GRID1: variants seen among roughly 807,000 people sequenced by gnomAD.
The protein encoded by GRID1 is glutamate ionotropic receptor delta type subunit 1.
A neutral mutation model predicts 98.0 loss-of-function variants in GRID1; 28 were observed. That is an observed-to-expected ratio of 0.29 (90% confidence interval 0.21 to 0.39). GRID1 has a LOEUF of 0.39. Among genes scored for constraint, GRID1 ranks in the 10% least tolerant of loss-of-function variants. The pLI is 1.00. For synonymous variants in GRID1, 553 were observed against 538.5 expected (o/e 1.03, Z -0.37); for missense variants, 1,111 against 1,340.5 (o/e 0.83, Z 2.67).
At chr10:85,915,335 T>A (rs1020001515) in intron 5 of GRID1, among the ~76,000 whole-genome samples, 23 of 151,850 alleles carry the variant, frequency 1.5e-4, no homozygotes, top group African/African-American at 5.3e-4. Context: ...AACTCACGTA[T>A]ACACACTCAT....
At chr10:85,866,429 A>G (rs941880450) in intron 6 of GRID1, among the ~76,000 whole-genome samples, 1 of 147,300 alleles carries the variant, frequency 6.8e-6, no homozygotes, top group Non-Finnish European at 1.5e-5. Context: ...TAGGACAAGA[A>G]GTGTTTTTAT....
At chr10:85,679,771 G>A (rs949710840) in intron 12 of GRID1, among the ~76,000 whole-genome samples, 2 of 152,172 alleles carry the variant, frequency 1.3e-5, no homozygotes, top group African/African-American at 4.8e-5. Flanking sequence ...AACCAAGGCA[G>A]AAAGTATTTA....
intron 12 of GRID1, among the ~76,000 whole-genome samples, chr10:85,669,960 G>A (rs1044017527): frequency 6.6e-6 from 1 of 152,160 alleles, no homozygotes; most frequent in Non-Finnish European, 1.5e-5. Context: ...GAGGAACACT[G>A]ACACACCTGC....
intron 8 of GRID1, among the ~76,000 whole-genome samples, chr10:85,762,379 C>T (rs1052938493): frequency 6.6e-6 from 1 of 152,186 alleles, no homozygotes; most frequent in African/African-American, 2.4e-5. Flanking sequence ...TAACCAAGAT[C>T]CCCAATGAAC....
chr10:86,063,476 T>C (rs1843677124), intron 4 of GRID1, among the ~76,000 whole-genome samples: 1 of 152,164 alleles, frequency 6.6e-6, no homozygotes, highest in Non-Finnish European at 1.5e-5. Flanking sequence ...ATTTCAAAAC[T>C]GGGCAAGTGT....
intron 2 of GRID1, among the ~76,000 whole-genome samples, chr10:86,302,867 G>A (rs1163583654): frequency 6.6e-6 from 1 of 152,214 alleles, no homozygotes; most frequent in Non-Finnish European, 1.5e-5. Flanking sequence ...CAGAATCTCA[G>A]GCCCTCCCTG....
chr10:86,144,379 G>C (rs191094657), intron 3 of GRID1, among the ~76,000 whole-genome samples: 1 of 152,028 alleles, frequency 6.6e-6, no homozygotes, highest in Non-Finnish European at 1.5e-5. Context: ...ATCCTTGCTC[G>C]CCCCATGACA....
At chr10:85,856,380 A>C (rs1285372738) in intron 6 of GRID1, among the ~76,000 whole-genome samples, 190 bp from the exon 7 acceptor site, 3 of 152,300 alleles carry the variant, frequency 2.0e-5, no homozygotes, top group Non-Finnish European at 4.4e-5. Context: ...TGAATGGAAT[A>C]AGACCTTGCC....
chr10:86,322,025 T>A (rs145641477), intron 2 of GRID1, among the ~76,000 whole-genome samples: 1 of 152,104 alleles, frequency 6.6e-6, no homozygotes, highest in South Asian at 2.1e-4. Flanking sequence ...ACAAGCAGAA[T>A]GACACTTTGA....
intron 2 of GRID1, among the ~76,000 whole-genome samples, chr10:86,322,465 G>T (rs891665293): frequency 7.9e-5 from 12 of 152,098 alleles, no homozygotes; most frequent in Admixed American, 6.5e-5. Flanking sequence ...AGGCTGGAGT[G>T]CAGTGGCATG....
intron 4 of GRID1, among the ~76,000 whole-genome samples, chr10:86,086,223 T>A (rs1844054352): frequency 1.3e-5 from 2 of 152,186 alleles, no homozygotes; most frequent in South Asian, 4.1e-4. Context: ...TTATACCATC[T>A]CTGTTTATTC....
intron 4 of GRID1, among the ~76,000 whole-genome samples, chr10:85,961,466 G>T (rs1238929806): frequency 6.6e-6 from 1 of 152,142 alleles, no homozygotes; most frequent in African/African-American, 2.4e-5. Context: ...AAATCAACTG[G>T]CTTGTGTCCA....
intron 2 of GRID1, among the ~76,000 whole-genome samples, chr10:86,228,197 G>A (rs1254336234): frequency 1.3e-5 from 2 of 150,112 alleles, no homozygotes; most frequent in Non-Finnish European, 3.0e-5. Flanking sequence ...GGATGGATGT[G>A]TAGGTGGGTG....
chr10:85,920,218 A>G (rs952349255), intron 4 of GRID1, among the ~76,000 whole-genome samples: 4 of 152,136 alleles, frequency 2.6e-5, no homozygotes, highest in African/African-American at 9.7e-5. Flanking sequence ...TGTCACACAC[A>G]AAAATTCATC....
intron 4 of GRID1, among the ~76,000 whole-genome samples, chr10:85,998,829 G>A (rs530122023): frequency 9.3e-4 from 141 of 152,298 alleles, no homozygotes; most frequent in Middle Eastern, 3.4e-3. Context: ...AGACTCCACA[G>A]CTATTAAAAT....
At chr10:86,160,810 A>G (rs1293769511) in intron 3 of GRID1, among the ~76,000 whole-genome samples, 4 of 152,260 alleles carry the variant, frequency 2.6e-5, no homozygotes, top group Non-Finnish European at 4.4e-5. Context: ...GCTCAGGGTC[A>G]CACAGGGTAT....
chr10:85,762,712 G>T (rs1186839899), intron 8 of GRID1, among the ~76,000 whole-genome samples: 1 of 152,186 alleles, frequency 6.6e-6, no homozygotes, highest in Non-Finnish European at 1.5e-5. Context: ...GAAGAGAGAG[G>T]GCAATGGGGA....
chr10:85,896,042 C>A (rs1306326216), intron 5 of GRID1, among the ~76,000 whole-genome samples: 3 of 152,038 alleles, frequency 2.0e-5, no homozygotes. Context: ...ATAAGACAGC[C>A]AGGACTTTAA....
chr10:86,199,544 T>C (rs55780512), intron 3 of GRID1, among the ~76,000 whole-genome samples: 47,017 of 152,024 alleles, frequency 0.31, 8,426 homozygotes, highest in Non-Finnish European at 0.41. Flanking sequence ...TCCAGCCATA[T>C]GGCCTAGAGC....
Sources: gnomAD v4.1 joint callset for allele counts (sites outside exome capture counted in the v4.1 genomes callset) on GRCh38, gnomAD v4.1.1 for gene constraint, MANE v1.5 for transcripts, NCBI Gene and HGNC (gene_info 2026-07-23, HGNC 2026-07-21) for gene names.